Variants in PCDH7 observed in about 807,000 individuals in gnomAD.
PCDH7 encodes the protein protocadherin 7.
Under a neutral mutation model 58.9 loss-of-function variants are expected in PCDH7, and 17 were observed. That is an observed-to-expected ratio of 0.29 (90% CI 0.20 to 0.43). The LOEUF (loss-of-function observed/expected upper bound fraction) is 0.43, where lower values mean the gene tolerates loss of function less well. Among genes scored for constraint, PCDH7 ranks in the 20% least tolerant of loss-of-function variants. The probability of loss-of-function intolerance (pLI) is 1.00; values close to 1 mark genes in which losing one functional copy is unlikely to be tolerated. For missense variants in PCDH7, 1,274 were observed against 1,441.0 expected, an observed-to-expected ratio of 0.88 and a Z score of 1.88; for synonymous variants, 664 against 616.4, an observed-to-expected ratio of 1.08 and a Z score of -1.14.
chr4:30,811,206 A>T (rs185943060), intron 1 of PCDH7, among the ~76,000 whole-genome samples: 1 of 152,182 alleles, frequency 6.6e-6, no homozygotes, highest in Non-Finnish European at 1.5e-5. Context: ...TTCCTCTGGG[A>T]TGGCAGTCAG....
exon 2 of PCDH7, chr4:30,731,305 T>G (rs1715454974): frequency 4.4e-6 from 1 of 227,812 alleles, no homozygotes; most frequent in Non-Finnish European, 7.3e-6. Context: ...GTGTGTATTT[T>G]TAAATGCTGT....
intron 3 of PCDH7, among the ~76,000 whole-genome samples, chr4:31,130,652 A>G (rs1458694445): frequency 1.3e-5 from 2 of 152,178 alleles, no homozygotes; most frequent in African/African-American, 2.4e-5. Context: ...TCAAAATCTC[A>G]GCAAAGCTGT....
Position 31,040,285 on chromosome 4 carries a change from T to C in PCDH7, c.*7+90070T>C, listed in dbSNP as rs188057900. Among the ~76,000 whole-genome samples the C allele has an allele frequency of 3.1e-4, 47 of 152,274 alleles. 2 individuals carry two copies. Among genetic ancestry groups the C allele is most frequent in the African/African-American group, 9.6e-4 (40 of 41,564 alleles). On this transcript the variant is annotated intron_variant, in intron 3 of 3. Transcript: ENST00000509759. ...TTCTTCCCCACTCTTCCCTGACTCA[T>C]CTGGGAATCACTGTTCTGATGTTTA...
chr4:31,096,120 T>A (rs142006771), intron 3 of PCDH7, among the ~76,000 whole-genome samples: 1 of 152,172 alleles, frequency 6.6e-6, no homozygotes, highest in Non-Finnish European at 1.5e-5. Context: ...CACAGGCATA[T>A]CATATGTGCA....
intron 2 of PCDH7, among the ~76,000 whole-genome samples, chr4:30,923,353 C>G (rs2109417985): frequency 6.6e-6 from 1 of 152,114 alleles, no homozygotes; most frequent in Non-Finnish European, 1.5e-5. Flanking sequence ...AGAGAAGGAA[C>G]AGAAACAAGA....
intron 1 of PCDH7, among the ~76,000 whole-genome samples, chr4:30,746,315 G>T (rs1312520098): frequency 6.6e-6 from 1 of 152,124 alleles, no homozygotes; most frequent in Non-Finnish European, 1.5e-5. Context: ...CAGTGTAAAA[G>T]ATAGTAAACA....
chr4:31,030,933 CA>C (rs1754858426), intron 3 of PCDH7, among the ~76,000 whole-genome samples: 1 of 152,078 alleles, frequency 6.6e-6, no homozygotes, highest in African/African-American at 2.4e-5. Flanking sequence ...AGGTGTAGGG[CA>C]TTTTCCCAAG....
At chr4:30,806,148 A>G (rs1726163894) in intron 1 of PCDH7, among the ~76,000 whole-genome samples, 1 of 152,126 alleles carries the variant, frequency 6.6e-6, no homozygotes, top group Non-Finnish European at 1.5e-5. Flanking sequence ...AAAATCCTTC[A>G]GTGGCTGTTG....
At chr4:30,789,026 G>T (rs747440209) in intron 1 of PCDH7, among the ~76,000 whole-genome samples, 4 of 152,084 alleles carry the variant, frequency 2.6e-5, no homozygotes, top group Non-Finnish European at 4.4e-5. Context: ...GACCTCAAGC[G>T]CAAGACCAAG....
chr4:30,979,624 A>G (rs1163780627), intron 3 of PCDH7, among the ~76,000 whole-genome samples: 1 of 151,810 alleles, frequency 6.6e-6, no homozygotes, highest in African/African-American at 2.4e-5. Context: ...ATAATATGAC[A>G]TGCACTATCA....
chr4:31,105,800 G>T (rs1055130408), intron 3 of PCDH7, among the ~76,000 whole-genome samples: 1 of 152,024 alleles, frequency 6.6e-6, no homozygotes, highest in Non-Finnish European at 1.5e-5. Flanking sequence ...GAGGTCAGGA[G>T]ATCGAGACCA....
At chr4:30,783,450 C>T (rs1423393411) in intron 1 of PCDH7, among the ~76,000 whole-genome samples, 2 of 152,140 alleles carry the variant, frequency 1.3e-5, no homozygotes, top group Admixed American at 6.6e-5. Flanking sequence ...AATCATTTTA[C>T]GTATTGCCAA....
chr4:30,883,092 C>T (rs564372125), intron 1 of PCDH7, among the ~76,000 whole-genome samples: 9 of 152,170 alleles, frequency 5.9e-5, no homozygotes, highest in South Asian at 4.1e-4. Flanking sequence ...CACATGTGCA[C>T]GGGCACACAC....
intron 1 of PCDH7, among the ~76,000 whole-genome samples, chr4:30,781,721 A>T (rs1722818765): frequency 6.6e-6 from 1 of 151,714 alleles, no homozygotes; most frequent in South Asian, 2.1e-4. Flanking sequence ...TTTTCAGTAG[A>T]AACGGTGTTT....
At chr4:30,894,847 A>C (rs1739200830) in intron 1 of PCDH7, among the ~76,000 whole-genome samples, 1 of 151,180 alleles carries the variant, frequency 6.6e-6, no homozygotes, top group Non-Finnish European at 1.5e-5. Flanking sequence ...TCCGAAAATC[A>C]GATTCATTCT....
At chr4:31,010,841 C>CA (rs1354248236) in intron 3 of PCDH7, among the ~76,000 whole-genome samples, 1 of 151,860 alleles carries the variant, frequency 6.6e-6, no homozygotes, top group Non-Finnish European at 1.5e-5. Flanking sequence ...TTTTAAGCCT[C>CA]ATTTTTTCTC....
At chr4:30,936,960 AAC>A (rs948828627) in intron 2 of PCDH7, among the ~76,000 whole-genome samples, 5 of 116,752 alleles carry the variant, frequency 4.3e-5, no homozygotes, top group Non-Finnish European at 4.2e-5. Flanking sequence ...GTTCATTCAG[AAC>A]ACACACACAC....
At chr4:30,727,707 CTG>C (rs760919256) in intron 1 of PCDH7, among the ~76,000 whole-genome samples, 2 of 151,862 alleles carry the variant, frequency 1.3e-5, no homozygotes, top group African/African-American at 2.4e-5. Context: ...AGAAGTACAA[CTG>C]TGTTTTTCAT....
intron 3 of PCDH7, among the ~76,000 whole-genome samples, chr4:30,993,143 C>T (rs80176872): frequency 0.018 from 2,690 of 152,214 alleles, 50 homozygotes; most frequent in Non-Finnish European, 0.026. Flanking sequence ...AGCAAACTGC[C>T]ACTCAGAACT....
Sources: gnomAD v4.1 joint callset for allele counts (sites outside exome capture counted in the v4.1 genomes callset) on GRCh38, gnomAD v4.1.1 for gene constraint, MANE v1.5 for transcripts, NCBI Gene and HGNC (gene_info 2026-07-23, HGNC 2026-07-21) for gene names.